SDK1: variants seen among roughly 807,000 people sequenced by gnomAD.
The protein encoded by SDK1 is sidekick cell adhesion molecule 1.
Under a neutral mutation model 245.5 loss-of-function variants are expected in SDK1, and 157 were observed. The ratio of observed to expected loss-of-function variants is 0.64; its 90% CI spans 0.56 to 0.73. SDK1 has a LOEUF of 0.73. Among genes scored for constraint, SDK1 ranks in the 30% least tolerant of loss-of-function variants. The pLI, the probability that SDK1 is intolerant of heterozygous loss-of-function variation, is 0.00. For synonymous variants in SDK1, 1,647 were observed against 1,278.5 expected (o/e 1.29, Z -6.15); for missense variants, 3,583 against 3,002.3 (o/e 1.19, Z -4.52).
chr7:3,613,255 C>T (rs1300707808), intron 1 of SDK1, among the ~76,000 whole-genome samples: 1 of 152,170 alleles, frequency 6.6e-6, no homozygotes, highest in East Asian at 1.9e-4. Context: ...CCAGCTGCTG[C>T]CCATGTGAAT....
At chr7:3,655,493 A>ATGTATGTATGTATGTATGTATGTATG (rs1275095313) in intron 4 of SDK1, among the ~76,000 whole-genome samples, 1 of 65,440 alleles carries the variant, frequency 1.5e-5, no homozygotes, top group Admixed American at 1.7e-4. Context: ...ATATATATAT[A>ATGTATGTATGTATGTATGTATGTATG]TATATATATA....
intron 4 of SDK1, among the ~76,000 whole-genome samples, chr7:3,777,950 A>G (rs529711545): frequency 3.2e-4 from 48 of 152,352 alleles, no homozygotes; most frequent in African/African-American, 1.1e-3. Context: ...ATGCTGAGAA[A>G]GGATCAGCAG....
intron 1 of SDK1, among the ~76,000 whole-genome samples, chr7:3,506,610 T>A (rs1308387315): frequency 6.6e-5 from 10 of 152,196 alleles, no homozygotes; most frequent in Non-Finnish European, 1.3e-4. Flanking sequence ...CTGTTTTCCC[T>A]TTTTACTGAG....
intron 1 of SDK1, among the ~76,000 whole-genome samples, chr7:3,560,396 A>G (rs1298481242): frequency 3.3e-5 from 5 of 152,230 alleles, no homozygotes; most frequent in Non-Finnish European, 5.9e-5. Context: ...ATTGAGAAAA[A>G]AAATTCTAAG....
intron 4 of SDK1, among the ~76,000 whole-genome samples, chr7:3,821,059 G>T (rs35712888): frequency 6.6e-6 from 1 of 152,048 alleles, no homozygotes; most frequent in South Asian, 2.1e-4. Context: ...ATTCACTTGC[G>T]CTGGGTCAGG....
chr7:3,355,067 TC>T (rs1780755893), intron 1 of SDK1, among the ~76,000 whole-genome samples: 2 of 152,200 alleles, frequency 1.3e-5, no homozygotes, highest in Non-Finnish European at 2.9e-5. Context: ...TCTGGCCAAA[TC>T]TAGTCTTTTC....
At chr7:4,201,489 T>A (rs1783877249) in intron 35 of SDK1, among the ~76,000 whole-genome samples, 1 of 152,258 alleles carries the variant, frequency 6.6e-6, no homozygotes, top group Non-Finnish European at 1.5e-5. Context: ...ATTATTTCAT[T>A]ATATTAAAAC....
At chr7:3,923,994 C>A (rs1779683416) in intron 5 of SDK1, among the ~76,000 whole-genome samples, 1 of 152,148 alleles carries the variant, frequency 6.6e-6, no homozygotes, top group African/African-American at 2.4e-5. Context: ...AGCAGAAATG[C>A]AGACTATTTC....
intron 19 of SDK1, among the ~76,000 whole-genome samples, chr7:4,053,415 C>T (rs558387068): frequency 3.3e-5 from 5 of 152,242 alleles, no homozygotes; most frequent in African/African-American, 1.2e-4. Context: ...CCTCCGTCAT[C>T]CTGTTCCCTT....
chr7:3,323,597 T>A (rs1330547929), intron 1 of SDK1, among the ~76,000 whole-genome samples: 1 of 152,196 alleles, frequency 6.6e-6, no homozygotes, highest in Non-Finnish European at 1.5e-5. Context: ...TTGAATTCCT[T>A]TTCGTGTGCC....
intron 1 of SDK1, among the ~76,000 whole-genome samples, chr7:3,456,519 C>G (rs776686179): frequency 6.6e-6 from 1 of 152,108 alleles, no homozygotes; most frequent in African/African-American, 2.4e-5. Context: ...GTGAGTTTAT[C>G]TTTCAGTTAT....
chr7:3,970,395 G>T (rs1048386020), intron 11 of SDK1, among the ~76,000 whole-genome samples: 9 of 152,158 alleles, frequency 5.9e-5, no homozygotes, highest in African/African-American at 2.2e-4. Flanking sequence ...CCACTATTCT[G>T]TCAAGTACTA....
chr7:4,180,753 C>CTA (rs571703106), intron 35 of SDK1, among the ~76,000 whole-genome samples: 57 of 152,278 alleles, frequency 3.7e-4, no homozygotes, highest in African/African-American at 1.2e-3. Context: ...AGCAGGCATC[C>CTA]CACACGGCAC....
At chr7:3,945,449 C>A (rs2128123053) in intron 5 of SDK1, among the ~76,000 whole-genome samples, 1 of 152,152 alleles carries the variant, frequency 6.6e-6, no homozygotes, top group Non-Finnish European at 1.5e-5. Context: ...AACAGAACTT[C>A]AGAAAGTATT....
intron 40 of SDK1, among the ~76,000 whole-genome samples, chr7:4,231,905 G>A (rs576719593): frequency 6.6e-6 from 1 of 152,258 alleles, no homozygotes; most frequent in African/African-American, 2.4e-5. Flanking sequence ...TAGTCAGCAC[G>A]GGTACACACA....
chr7:3,964,355 C>T (rs1486298135), intron 9 of SDK1, among the ~76,000 whole-genome samples: 1 of 152,184 alleles, frequency 6.6e-6, no homozygotes, highest in Non-Finnish European at 1.5e-5. Context: ...ACTAAGCCCT[C>T]CTCTTTCTTG....
chr7:3,839,519 C>G (rs973479010), intron 5 of SDK1, among the ~76,000 whole-genome samples: 1 of 152,122 alleles, frequency 6.6e-6, no homozygotes, highest in Non-Finnish European at 1.5e-5. Context: ...TGTTAAAACT[C>G]CTTCCTTCCC....
intron 25 of SDK1, among the ~76,000 whole-genome samples, chr7:4,118,755 G>T (rs1386819941): frequency 1.3e-5 from 2 of 149,024 alleles, no homozygotes; most frequent in African/African-American, 4.9e-5. Flanking sequence ...AAAAAGGAAT[G>T]GAATTCTGAT....
At chr7:3,939,669 A>C (rs942663340) in intron 5 of SDK1, among the ~76,000 whole-genome samples, 1 of 152,310 alleles carries the variant, frequency 6.6e-6, no homozygotes, top group East Asian at 1.9e-4. Context: ...TTGGAGATAT[A>C]TACATATATA....
Sources: allele counts gnomAD v4.1 joint callset (sites outside exome capture counted in the v4.1 genomes callset), GRCh38; gene constraint gnomAD v4.1.1; transcripts MANE v1.5; gene names NCBI Gene and HGNC (gene_info 2026-07-23, HGNC 2026-07-21).